Variants in ITGA9 observed in about 807,000 individuals in gnomAD.
ITGA9 encodes integrin subunit alpha 9.
In ITGA9, 56 loss-of-function variants were observed where a neutral mutation model predicts 127.8. The ratio of observed to expected loss-of-function variants is 0.44; its 90% CI spans 0.35 to 0.55. The LOEUF (loss-of-function observed/expected upper bound fraction) is 0.55, where lower values mean the gene tolerates loss of function less well. Among genes scored for constraint, ITGA9 ranks in the 20% least tolerant of loss-of-function variants. The probability of loss-of-function intolerance (pLI) is 0.00; values close to 1 mark genes in which losing one functional copy is unlikely to be tolerated. For synonymous variants in ITGA9, 508 were observed against 514.5 expected, an observed-to-expected ratio of 0.99 and a Z score of 0.17; for missense variants, 1,196 against 1,347.1, an observed-to-expected ratio of 0.89 and a Z score of 1.76.
At chr3:37,526,780 A>G (rs1457584528) in intron 13 of ITGA9, among the ~76,000 whole-genome samples, 1 of 152,260 alleles carries the variant, frequency 6.6e-6, no homozygotes, top group East Asian at 1.9e-4. Flanking sequence ...AACTTTCTAA[A>G]ATAGACTAAT....
rs958748059 is a variant in ITGA9 at position 37,799,892 on chromosome 3, A to G, written c.2890-3931A>G. Among the ~76,000 whole-genome samples the G allele has an allele frequency of 1.3e-5, 2 of 152,156 alleles. No individual in the cohort carries two copies. The highest frequency in any genetic ancestry group is 1.3e-4 in the Admixed American group (2 of 15,282). ...GATCATCAGTGCTTCTTGCCTCTCCATGTCGTCCATGCTGCTGTTCCTTCC... is the reference window on the plus strand; with the variant it reads ...GATCATCAGTGCTTCTTGCCTCTCCGTGTCGTCCATGCTGCTGTTCCTTCC... On this transcript the variant is annotated intron_variant, in intron 26 of 27. Coordinates refer to ENST00000264741, the MANE Select transcript of ITGA9 (RefSeq NM_002207.3). The surrounding 1 kb of genome is among the most constrained non-coding windows in gnomAD (Gnocchi z 4.0).
At chr3:37,695,306 A>G (rs1031235972) in intron 18 of ITGA9, among the ~76,000 whole-genome samples, 24 of 152,306 alleles carry the variant, frequency 1.6e-4, no homozygotes, top group African/African-American at 5.3e-4. Flanking sequence ...CACAGTGTGC[A>G]TGTAAAGGGA....
At chr3:37,552,455 C>T (rs1220353713) in intron 15 of ITGA9, among the ~76,000 whole-genome samples, 3 of 147,456 alleles carry the variant, frequency 2.0e-5, no homozygotes, top group Non-Finnish European at 1.5e-5. Flanking sequence ...TTTTAGTCAA[C>T]GTATTAGTAT....
intron 14 of ITGA9, among the ~76,000 whole-genome samples, chr3:37,537,403 C>G (rs1699219839): frequency 6.6e-6 from 1 of 152,132 alleles, no homozygotes. Flanking sequence ...AAGCCTCTGG[C>G]AAAACAAGTG....
At chr3:37,717,168 G>A (rs1384133252) in intron 18 of ITGA9, among the ~76,000 whole-genome samples, 1 of 152,182 alleles carries the variant, frequency 6.6e-6, no homozygotes, top group African/African-American at 2.4e-5. Context: ...AAGCTTCTGA[G>A]GACAGGGCTA....
intron 8 of ITGA9, among the ~76,000 whole-genome samples, chr3:37,510,342 C>CT (rs1698889916): frequency 6.6e-6 from 1 of 151,778 alleles, no homozygotes; most frequent in Non-Finnish European, 1.5e-5. Context: ...TTCTGAGTAT[C>CT]TTTATGTTCA....
At chr3:37,612,227 G>T (rs147887650) in intron 15 of ITGA9, among the ~76,000 whole-genome samples, 17 of 152,112 alleles carry the variant, frequency 1.1e-4, no homozygotes, top group Admixed American at 1.0e-3. Context: ...GCCTTTGGCC[G>T]TTGGGAAGCG....
intron 16 of ITGA9, among the ~76,000 whole-genome samples, chr3:37,642,909 TAGGTAATAGTTTCCCGGCTG>T (rs1700346307): frequency 6.6e-6 from 1 of 152,218 alleles, no homozygotes; most frequent in African/African-American, 2.4e-5. Context: ...GCCTGGACAT[TAGGTAATAGTTTCCCGGCTG>T]AGGTGCCCAG....
chr3:37,735,286 C>G (rs1696346123), intron 19 of ITGA9, among the ~76,000 whole-genome samples: 1 of 152,298 alleles, frequency 6.6e-6, no homozygotes, highest in East Asian at 1.9e-4. Flanking sequence ...GACCCTGCCT[C>G]TCTCTTCCTT....
chr3:37,609,721 C>A (rs78422126), intron 15 of ITGA9, among the ~76,000 whole-genome samples: 3,165 of 152,244 alleles, frequency 0.021, 92 homozygotes, highest in African/African-American at 0.07. Flanking sequence ...CTCCATGATG[C>A]CTAGGACCTC....
At chr3:37,670,817 A>G (rs1229536566) in intron 17 of ITGA9, among the ~76,000 whole-genome samples, 3 of 152,240 alleles carry the variant, frequency 2.0e-5, no homozygotes, top group South Asian at 2.1e-4. Context: ...TAATTTCAAT[A>G]TATTCCATTG....
rs149265671 is a variant in ITGA9 at position 37,599,003 on chromosome 3, C to T, written c.1690-30184C>T. 1.7e-3 allele frequency among the ~76,000 whole-genome samples: 253 copies of T among 152,280 alleles called. 4 individuals carry two copies. Among genetic ancestry groups the T allele is most frequent in the African/African-American group, 5.4e-3 (225 of 41,550 alleles). The stretch of plus-strand genomic sequence containing the variant: ...TCAAGAATTATAATAAAGAATACCA[C>T]GGAATGAAAGCAAATGTGGTGAGAA... On this transcript the variant is annotated intron_variant, in intron 15 of 27. Transcript: ENST00000264741.
chr3:37,689,942 A>T (rs538439740), intron 18 of ITGA9, among the ~76,000 whole-genome samples: 23 of 152,320 alleles, frequency 1.5e-4, no homozygotes, highest in African/African-American at 5.3e-4. Flanking sequence ...CTCATGGCCT[A>T]TTGGGGCCAA....
At chr3:37,770,387 G>A (rs1390925608) in intron 23 of ITGA9, among the ~76,000 whole-genome samples, 1 of 152,130 alleles carries the variant, frequency 6.6e-6, no homozygotes, top group Non-Finnish European at 1.5e-5. Context: ...CCTCTTCAGT[G>A]TTCAAACCCA....
At chr3:37,589,741 G>T (rs140527268) in intron 15 of ITGA9, among the ~76,000 whole-genome samples, 3 of 152,322 alleles carry the variant, frequency 2.0e-5, no homozygotes, top group Non-Finnish European at 4.4e-5. Context: ...GGACAGTCAG[G>T]AGGCCAGTGT....
chr3:37,684,082 G>A lies in ITGA9; in HGVS notation c.2067+67G>A. 3 of 1,303,636 alleles carry A rather than the reference G, an allele frequency of 2.3e-6. No individual in the cohort carries two copies. In the East Asian group the frequency reaches 6.9e-5, roughly 30 times the overall value. 80.8% of individuals were successfully genotyped at this position (1,303,636 alleles called of 1,614,324 possible). A position where few individuals can be genotyped will look rare whatever the true frequency, so the allele number is the denominator to read the frequency against. ...GGTGCGCTTGCTGACTTTCATTATT[G>A]CCTGGAATAGGCAATGATTCTACAA... On this transcript the variant is annotated intron_variant, in intron 18 of 27. Coordinates refer to ENST00000264741, the MANE Select transcript of ITGA9 (RefSeq NM_002207.3).
chr3:37,772,204 A>T (rs1461464309), intron 23 of ITGA9, among the ~76,000 whole-genome samples: 1 of 152,046 alleles, frequency 6.6e-6, no homozygotes, highest in Non-Finnish European at 1.5e-5. Context: ...TCAGGAGTTC[A>T]AGACCAGCCT....
At chr3:37,649,339 C>T (rs1011663089) in intron 16 of ITGA9, among the ~76,000 whole-genome samples, 1 of 151,890 alleles carries the variant, frequency 6.6e-6, no homozygotes, top group Admixed American at 6.5e-5. Flanking sequence ...ATGCTGTCTA[C>T]AAGAAGCTCA....
At chr3:37,567,348 C>T (rs1347652520) in intron 15 of ITGA9, among the ~76,000 whole-genome samples, 1 of 152,184 alleles carries the variant, frequency 6.6e-6, no homozygotes, top group Non-Finnish European at 1.5e-5. Flanking sequence ...CTGGGTCCCT[C>T]CCATGACAGT....
Sources: allele counts gnomAD v4.1 joint callset (sites outside exome capture counted in the v4.1 genomes callset), GRCh38; gene constraint gnomAD v4.1.1; non-coding constraint Gnocchi (gnomAD v3.1); transcripts MANE v1.5; gene names NCBI Gene and HGNC (gene_info 2026-07-23, HGNC 2026-07-21).